Variants in YTHDC2 observed in about 807,000 individuals in gnomAD.
YTHDC2 encodes the protein 3'-5' RNA helicase YTHDC2.
A neutral mutation model predicts 174.9 loss-of-function variants in YTHDC2; 45 were observed. That is an observed-to-expected ratio of 0.26 (90% CI 0.20 to 0.33). The LOEUF (loss-of-function observed/expected upper bound fraction) is 0.33, where lower values mean the gene tolerates loss of function less well. Ranked by LOEUF, YTHDC2 falls within the 10% of genes least tolerant of loss-of-function variation. The probability of loss-of-function intolerance (pLI) is 1.00; values close to 1 mark genes in which losing one functional copy is unlikely to be tolerated. For missense variants in YTHDC2, 1,650 were observed against 1,723.7 expected (o/e 0.96, Z 0.76); for synonymous variants, 657 against 574.5 (o/e 1.14, Z -2.05).
At chr5:113,528,715 C>T (rs1343325169) in intron 4 of YTHDC2, among the ~76,000 whole-genome samples, 1 of 152,108 alleles carries the variant, frequency 6.6e-6, no homozygotes, top group Non-Finnish European at 1.5e-5. Context: ...CAACATGTTG[C>T]CGAGGCTGGT....
intron 23 of YTHDC2, among the ~76,000 whole-genome samples, chr5:113,573,984 GC>G (rs1777886598): frequency 6.6e-6 from 1 of 152,160 alleles, no homozygotes; most frequent in African/African-American, 2.4e-5. Context: ...CTCAGCCTCA[GC>G]CCAGTTCTGT....
rs1212643186 is a variant in YTHDC2 at position 113,594,373 on chromosome 5, C to G, written c.*899C>G. 6.6e-6 allele frequency: 1 copy of G among 152,136 alleles called. No individual in the cohort carries two copies. The highest frequency in any genetic ancestry group is 1.5e-5 in the Non-Finnish European group (1 of 68,022). The allele number at this position is 152,136 out of a possible 1,614,324, so 9.4% of individuals were successfully genotyped here. On this transcript the variant is annotated 3_prime_UTR_variant, in exon 30 of 30. Coordinates refer to ENST00000161863, the MANE Select transcript of YTHDC2 (RefSeq NM_022828.5). ...AAGTTCATACAAGTTTTTAAAAATT[C>G]TCAACTGGTAGCTTGCTTGCTGTGC...
intron 4 of YTHDC2, among the ~76,000 whole-genome samples, chr5:113,531,936 T>C (rs1224300595): frequency 6.6e-6 from 1 of 152,156 alleles, no homozygotes; most frequent in African/African-American, 2.4e-5. Context: ...AAATTAAAAA[T>C]TTATTTACTC....
chr5:113,543,709 C>T (rs567435258), intron 10 of YTHDC2, among the ~76,000 whole-genome samples: 1 of 152,296 alleles, frequency 6.6e-6, no homozygotes, highest in East Asian at 1.9e-4. Context: ...CCTCTGGCTT[C>T]CTCCTTGATC....
chr5:113,587,921 T>C (rs1298433864), intron 26 of YTHDC2, among the ~76,000 whole-genome samples: 1 of 152,014 alleles, frequency 6.6e-6, no homozygotes, highest in Non-Finnish European at 1.5e-5. Context: ...ATTTGGATAG[T>C]CTTTAATTTC....
At position 113,513,954 on chromosome 5, in the gene YTHDC2, G is replaced by A; in HGVS notation, c.59G>A (p.Gly20Asp). The stretch of plus-strand genomic sequence containing the variant: ...CCGGCTCCTGGCGGTGGCGGAGGCG[G>A]CGGCCCCTCGCCTTGTGGCCCTGGG... Reference protein sequence around the residue: ...RQPAPGGGGGGGPSPCGPGGG... With the variant: ...RQPAPGGGGGDGPSPCGPGGG... The change falls in exon 1 of 30, where the codon GGC becomes GAC. Residue 20 changes from glycine (G) to aspartate (D), a missense_variant. By Grantham distance (94) the Gly-to-Asp change is moderately conservative (BLOSUM62 -1). Transcript: ENST00000161863. 1 of 1,602,324 alleles carries A rather than the reference G, an allele frequency of 6.2e-7. No homozygotes were observed. Among genetic ancestry groups the A allele is most frequent in the Non-Finnish European group, 8.5e-7 (1 of 1,174,634 alleles).
At chr5:113,558,016 G>T (rs1776728578) in intron 17 of YTHDC2, among the ~76,000 whole-genome samples, 7 of 152,140 alleles carry the variant, frequency 4.6e-5, no homozygotes, top group Admixed American at 3.9e-4. Flanking sequence ...TTTTAATACA[G>T]TGTTATTTGT....
chr5:113,580,007 C>A, intron 24 of YTHDC2: 1 of 900,404 alleles, frequency 1.1e-6, no homozygotes, highest in Non-Finnish European at 1.3e-6. Flanking sequence ...AGTCTGAGAT[C>A]AAGGTGCTGA....
At chr5:113,527,815 G>A (rs958792291) in intron 4 of YTHDC2, among the ~76,000 whole-genome samples, 2 of 152,026 alleles carry the variant, frequency 1.3e-5, no homozygotes, top group Admixed American at 6.5e-5. Context: ...TTGAGACCAA[G>A]TCTCTGTCTG....
At chr5:113,589,992 A>G (rs896705024) in intron 26 of YTHDC2, among the ~76,000 whole-genome samples, 3 of 152,164 alleles carry the variant, frequency 2.0e-5, no homozygotes, top group Non-Finnish European at 2.9e-5. Flanking sequence ...TATATTCCAT[A>G]TGCACATGAG....
At chr5:113,540,432 T>C (rs1047170166) in intron 8 of YTHDC2, among the ~76,000 whole-genome samples, 1 of 152,204 alleles carries the variant, frequency 6.6e-6, no homozygotes, top group South Asian at 2.1e-4. Flanking sequence ...GTAAAGATAC[T>C]ACCTGAGACT....
chr5:113,542,986 T>A (rs1279474148), intron 10 of YTHDC2, among the ~76,000 whole-genome samples: 1 of 152,242 alleles, frequency 6.6e-6, no homozygotes, highest in East Asian at 1.9e-4. Context: ...ACTTCTTGGT[T>A]TTCTTGGCAA....
rs138000297 is a variant in YTHDC2, at chr5:113,557,999, T to A, written c.2216+1865T>A. Among the ~76,000 whole-genome samples the A allele has an allele frequency of 4.7e-4, 72 of 152,278 alleles. 1 individual carries two copies. The East Asian group carries it at 0.011, about 24-fold the overall frequency. ...CAGTCCATGTGGGAGTCCAGTAAAT[T>A]AAGCAATTTTAATACAGTGTTATTT... On this transcript the variant is annotated intron_variant, in intron 17 of 29. Coordinates refer to ENST00000161863, the MANE Select transcript of YTHDC2 (RefSeq NM_022828.5).
intron 20 of YTHDC2, among the ~76,000 whole-genome samples, chr5:113,565,005 G>T (rs1246962313): frequency 6.6e-6 from 1 of 151,830 alleles, no homozygotes; most frequent in Non-Finnish European, 1.5e-5. Context: ...GTAGAGACAG[G>T]GTTTCACCAT....
intron 20 of YTHDC2, among the ~76,000 whole-genome samples, chr5:113,565,053 A>G (rs1232773989): frequency 6.6e-6 from 1 of 152,132 alleles, no homozygotes; most frequent in African/African-American, 2.4e-5. Flanking sequence ...ACCTCAAGTG[A>G]TCTGCCTGCT....
chr5:113,566,821 A>C (rs1271031009), intron 21 of YTHDC2, among the ~76,000 whole-genome samples: 1 of 152,124 alleles, frequency 6.6e-6, no homozygotes, highest in Non-Finnish European at 1.5e-5. Flanking sequence ...TATTGCAAGA[A>C]TGTGGATCTA....
intron 7 of YTHDC2, among the ~76,000 whole-genome samples, chr5:113,537,354 T>A (rs1433270983): frequency 2.4e-5 from 3 of 126,260 alleles, no homozygotes; most frequent in Admixed American, 8.3e-5. Context: ...TATGGTTGGC[T>A]CTCTCTCTTT....
chr5:113,548,431 C>G (rs938443300), intron 10 of YTHDC2, 110 bp from the exon 11 acceptor site: 33 of 1,077,114 alleles, frequency 3.1e-5, no homozygotes, highest in Admixed American at 5.7e-5. Context: ...GAGCAACTCT[C>G]AGGCTAATTA....
chr5:113,573,893 T>C (rs1345477543), intron 23 of YTHDC2, among the ~76,000 whole-genome samples: 1 of 152,210 alleles, frequency 6.6e-6, no homozygotes. Flanking sequence ...CTTTTTTGCA[T>C]TGGGTTACAA....
Sources: allele counts gnomAD v4.1 joint callset (sites outside exome capture counted in the v4.1 genomes callset), GRCh38; gene constraint gnomAD v4.1.1; transcripts MANE v1.5; gene names NCBI Gene and HGNC (gene_info 2026-07-23, HGNC 2026-07-21).